Variants in AKAP6 observed in about 807,000 individuals in gnomAD.
AKAP6 encodes A-kinase anchoring protein 6.
Under a neutral mutation model 188.5 loss-of-function variants are expected in AKAP6, and 58 were observed. The observed-to-expected ratio is 0.31, with a 90% CI of 0.25 to 0.38. The LOEUF (loss-of-function observed/expected upper bound fraction) is 0.38. Ranked by LOEUF, AKAP6 falls within the 10% of genes least tolerant of loss-of-function variation. The pLI is 1.00. For missense variants in AKAP6, 2,710 were observed against 2,740.0 expected (o/e 0.99, Z 0.24); for synonymous variants, 989 against 998.6 (o/e 0.99, Z 0.18).
In AKAP6 at chr14:32,396,835, G is replaced by A. The variant is rs9888608; in HGVS notation, c.-34-36625G>A. Among the ~76,000 whole-genome samples the A allele has an allele frequency of 8.9e-3, 1,357 of 152,182 alleles. 30 individuals carry two copies. Among genetic ancestry groups the A allele is most frequent in the African/African-American group, 0.03 (1,258 of 41,536 alleles). ...CAACCATAGAACTCACCCTTATGCT[G>A]GTTTTCCAGTTACATGAGTCAATAA... On this transcript the variant is annotated intron_variant, in intron 1 of 13. Coordinates refer to ENST00000280979, the MANE Select transcript of AKAP6 (RefSeq NM_004274.5).
At chr14:32,352,699 C>A (rs1274509368) in intron 1 of AKAP6, among the ~76,000 whole-genome samples, 1 of 152,168 alleles carries the variant, frequency 6.6e-6, no homozygotes, top group East Asian at 1.9e-4. Flanking sequence ...CTTAACAATG[C>A]CCTCCAGGTT....
At chr14:32,790,107 G>T (rs1265958964) in intron 12 of AKAP6, among the ~76,000 whole-genome samples, 1 of 152,124 alleles carries the variant, frequency 6.6e-6, no homozygotes, top group Non-Finnish European at 1.5e-5. Flanking sequence ...TAGACCAAGT[G>T]GAGGAAAGAA....
chr14:32,392,799 A>G (rs116085094), intron 1 of AKAP6, among the ~76,000 whole-genome samples: 2,742 of 152,274 alleles, frequency 0.018, 82 homozygotes, highest in African/African-American at 0.061. Context: ...TTATGATAGT[A>G]ATGAATTATA....
chr14:32,600,994 G>A (rs1182953587), intron 7 of AKAP6, among the ~76,000 whole-genome samples: 1 of 152,062 alleles, frequency 6.6e-6, no homozygotes, highest in Non-Finnish European at 1.5e-5. Context: ...CCAGGAAGAG[G>A]TCTTTTTTTG....
At chr14:32,703,495 T>A (rs1890696061) in intron 9 of AKAP6, among the ~76,000 whole-genome samples, 1 of 152,150 alleles carries the variant, frequency 6.6e-6, no homozygotes, top group South Asian at 2.1e-4. Context: ...CCGGAACAAC[T>A]TGGAACAATT....
rs116300250 is a variant in AKAP6 at position 32,727,712 on chromosome 14, G to A, written c.3001-4742G>A. On this transcript the variant is annotated intron_variant, in intron 9 of 13. Transcript: ENST00000280979. ...TTTTAATTTTTCCAAAGGCTCAGCA[G>A]CAAATTTATCCCAATCAGGAAAACC... Among the ~76,000 whole-genome samples the A allele has an allele frequency of 3.5e-3, 531 of 152,266 alleles. 5 individuals are homozygous for A. The highest frequency in any genetic ancestry group is 0.012 in the African/African-American group (499 of 41,548).
At chr14:32,331,528 G>T (rs984881130) in intron 1 of AKAP6, among the ~76,000 whole-genome samples, 1 of 152,048 alleles carries the variant, frequency 6.6e-6, no homozygotes, top group Non-Finnish European at 1.5e-5. Context: ...TTTGCTCCAG[G>T]AGAACAAAGC....
At chr14:32,736,334 T>C (rs2031422317) in intron 11 of AKAP6, among the ~76,000 whole-genome samples, 1 of 152,126 alleles carries the variant, frequency 6.6e-6, no homozygotes, top group Non-Finnish European at 1.5e-5. Context: ...GAGTCAACTA[T>C]TTATGGAGGG....
At chr14:32,757,955 G>T (rs80072839) in intron 11 of AKAP6, among the ~76,000 whole-genome samples, 1,640 of 152,252 alleles carry the variant, frequency 0.011, 27 homozygotes, top group African/African-American at 0.037. Context: ...GATAAGCGAT[G>T]GAAGAAATTC....
intron 2 of AKAP6, among the ~76,000 whole-genome samples, chr14:32,488,082 A>G (rs1879799899): frequency 6.6e-6 from 1 of 152,166 alleles, no homozygotes; most frequent in Non-Finnish European, 1.5e-5. Flanking sequence ...TGGTCTCTTC[A>G]TAGCTGGCAG....
chr14:32,524,190 A>G (rs1244221593), intron 2 of AKAP6, among the ~76,000 whole-genome samples: 3 of 152,140 alleles, frequency 2.0e-5, no homozygotes, highest in Admixed American at 6.5e-5. Flanking sequence ...CTTAAAAGAC[A>G]TATCAAGATA....
intron 7 of AKAP6, among the ~76,000 whole-genome samples, chr14:32,669,769 C>T (rs140038675): frequency 3.1e-3 from 476 of 152,196 alleles, no homozygotes; most frequent in African/African-American, 0.011. Context: ...CATCCTTCTT[C>T]ACATGGCGGC....
chr14:32,695,449 G>A (rs1189695406), intron 8 of AKAP6, among the ~76,000 whole-genome samples: 2 of 152,190 alleles, frequency 1.3e-5, no homozygotes, highest in Admixed American at 1.3e-4. Flanking sequence ...GGATCTGATA[G>A]TATATATCAA....
intron 2 of AKAP6, among the ~76,000 whole-genome samples, chr14:32,467,853 T>G (rs1404870174): frequency 3.9e-5 from 6 of 152,266 alleles, no homozygotes; most frequent in Admixed American, 2.6e-4. Flanking sequence ...TCTTTTCTTT[T>G]GCCATTACAT....
intron 7 of AKAP6, among the ~76,000 whole-genome samples, chr14:32,649,941 A>G (rs1366754713): frequency 3.3e-5 from 5 of 152,200 alleles, no homozygotes; most frequent in African/African-American, 1.2e-4. Flanking sequence ...TTCTCTAGGC[A>G]GCACACACTG....
chr14:32,434,857 G>C (rs1265961514), intron 2 of AKAP6, among the ~76,000 whole-genome samples: 5 of 152,184 alleles, frequency 3.3e-5, no homozygotes, highest in Non-Finnish European at 7.3e-5. Flanking sequence ...ATTACAGAAA[G>C]TGTTCAAATG....
At chr14:32,709,302 T>C (rs961245100) in intron 9 of AKAP6, among the ~76,000 whole-genome samples, 1 of 149,288 alleles carries the variant, frequency 6.7e-6, no homozygotes, top group African/African-American at 2.5e-5. Flanking sequence ...GATTGGAGCA[T>C]TGGAGCACAA....
Position 32,788,658 on chromosome 14 carries a change from G to C in AKAP6, c.3588+14765G>C, listed in dbSNP as rs562765801. 2.3e-4 allele frequency among the ~76,000 whole-genome samples: 34 copies of C among 144,810 alleles called. No individual in the cohort carries two copies. The East Asian group carries it at 6.6e-3, about 28-fold the overall frequency. ...TCTCCCATGAATCTTTGCAACCGGC[G>C]GATCAGGAGATCCTCTTGTGAGCCC... On this transcript the variant is annotated intron_variant, in intron 12 of 13. Coordinates refer to ENST00000280979, the MANE Select transcript of AKAP6 (RefSeq NM_004274.5).
chr14:32,368,622 G>C (rs1887910830), intron 1 of AKAP6, among the ~76,000 whole-genome samples: 1 of 152,126 alleles, frequency 6.6e-6, no homozygotes, highest in Non-Finnish European at 1.5e-5. Flanking sequence ...GTCTAGAGGT[G>C]AGAAAGGAAC....
Sources: allele counts gnomAD v4.1 joint callset (sites outside exome capture counted in the v4.1 genomes callset), GRCh38; gene constraint gnomAD v4.1.1; transcripts MANE v1.5; gene names NCBI Gene and HGNC (gene_info 2026-07-23, HGNC 2026-07-21).